Variants in DDX60L observed in about 807,000 individuals in gnomAD.
The protein encoded by DDX60L is DExD/H-box 60 like.
A neutral mutation model predicts 211.6 loss-of-function variants in DDX60L; 191 were observed. That is an observed-to-expected ratio of 0.90 (90% confidence interval 0.80 to 1.02). The LOEUF is 1.02. Ranked by LOEUF, DDX60L falls within the 50% of genes least tolerant of loss-of-function variation. DDX60L has a pLI of 0.00. For synonymous variants in DDX60L, 706 were observed against 694.1 expected (o/e 1.02, Z -0.27); for missense variants, 2,007 against 1,984.1 (o/e 1.01, Z -0.22).
In DDX60L at chr4:168,394,611, C is replaced by T. The variant is rs569571939; in HGVS notation, c.3664G>A (p.Glu1222Lys). 5.2e-5 allele frequency: 83 copies of T among 1,590,970 alleles called. No individual in the cohort carries two copies. In the South Asian group the frequency reaches 8.5e-4, roughly 16 times the overall value. The stretch of plus-strand genomic sequence containing the variant: ...AATCGCACTCGCGGTAATACCCTCT[C>T]CAAAGTCTAAAACAAGAAAGAAGTG... The part of the protein sequence containing the change: ...EITRNKDSTL[E>K]RVLPRVRFTR... Residue 1222 changes from glutamate to lysine, a missense_variant, in exon 28 of 38, where the codon GAG becomes AAG. Coordinates refer to ENST00000682922, the MANE Select transcript of DDX60L (RefSeq NM_001012967.3).
chr4:168,461,448 AATAG>A (rs1449690025), intron 5 of DDX60L, among the ~76,000 whole-genome samples: 2 of 152,214 alleles, frequency 1.3e-5, no homozygotes, highest in African/African-American at 2.4e-5. Flanking sequence ...ATTAGATATG[AATAG>A]ATAGATATAA....
rs1757048048 is a variant in DDX60L at position 168,459,749 on chromosome 4, C to G, written c.607-1741G>C. ...CCAGCCTAGGCAATATATCAAGACA[C>G]CAAAGGGAGGGAAGGAAGGAAGGAG... On this transcript the variant is annotated intron_variant, in intron 5 of 37. Transcript: ENST00000682922. Among the ~76,000 whole-genome samples the G allele has an allele frequency of 7.6e-5, 3 of 39,424 alleles. No individual in the cohort carries two copies. In the Admixed American group the frequency reaches 1.4e-3, roughly 18 times the overall value. 25.9% of individuals were successfully genotyped at this position (39,424 alleles called of 152,430 possible).
At position 168,441,376 on chromosome 4, in the gene DDX60L, T is replaced by G; in HGVS notation, c.1255A>C (p.Arg419=). The G allele has an allele frequency of 1.9e-6, 3 of 1,611,442 alleles. No homozygotes were observed. Among genetic ancestry groups the G allele is most frequent in the Non-Finnish European group, 2.5e-6 (3 of 1,178,956 alleles). The change falls in exon 10 of 38, where the codon AGA becomes CGA. Residue 419 remains arginine, a synonymous_variant. Transcript: ENST00000682922. ...TTCTCTTGTCTAAGAAAATGTCTTC[T>G]TGTTGTTCTCAGAGGAAAAGACTTT... ...VGKSFPLRTT[R]RHFLRQEKSV... is the part of the protein sequence containing the mutation.
In DDX60L at chr4:168,374,549, A is replaced by T. The variant is rs140525301; in HGVS notation, c.4634-741T>A. Among the ~76,000 whole-genome samples the T allele has an allele frequency of 1.5e-3, 224 of 152,354 alleles. 2 individuals are homozygous for T. The highest frequency in any genetic ancestry group is 0.014 in the Middle Eastern group (4 of 294). ...GAACAAATAATTGAAGCAAAGAATG[A>T]TATTTGCAACGTCTGCTAGAACTTT... On this transcript the variant is annotated intron_variant, in intron 34 of 37. Transcript: ENST00000682922.
intron 24 of DDX60L, among the ~76,000 whole-genome samples, chr4:168,405,585 G>C (rs983505850): frequency 6.6e-6 from 1 of 152,122 alleles, no homozygotes; most frequent in East Asian, 1.9e-4. Flanking sequence ...TCTTAGATTA[G>C]CCCCTGTACT....
intron 8 of DDX60L, among the ~76,000 whole-genome samples, chr4:168,450,386 C>T (rs1755640908): frequency 6.6e-6 from 1 of 151,930 alleles, no homozygotes; most frequent in African/African-American, 2.4e-5. Context: ...TGGCTTCCCC[C>T]TACCCACCAA....
intron 22 of DDX60L, among the ~76,000 whole-genome samples, chr4:168,412,238 C>T (rs1009521496): frequency 2.0e-5 from 3 of 151,932 alleles, no homozygotes; most frequent in Admixed American, 6.6e-5. Context: ...TGTCTTGCAG[C>T]TCAGATGCCA....
chr4:168,472,591 A>G, intron 2 of DDX60L, 67 bp from the exon 3 acceptor site: 1 of 1,573,878 alleles, frequency 6.4e-7, no homozygotes, highest in South Asian at 1.1e-5. Context: ...GTAATTATTA[A>G]GGAAATGAAA....
At position 168,391,513 on chromosome 4, in the gene DDX60L, A is replaced by G. The variant is rs779159356; in HGVS notation, c.3915+27T>C. 5.7e-6 allele frequency: 8 copies of G among 1,403,030 alleles called. No homozygotes were observed. In the African/African-American group the frequency reaches 1.1e-4, roughly 20 times the overall value. 86.9% of individuals were successfully genotyped at this position (1,403,030 alleles called of 1,614,324 possible). On this transcript the variant is annotated intron_variant, in intron 29 of 37. Transcript: ENST00000682922. Reference sequence around the variant, plus strand: ...ATTATTTCAAACTCAGCTTTCAGCAATGGGAGTTAAAGAGTCAGAGAGTTA... The same window carrying G: ...ATTATTTCAAACTCAGCTTTCAGCAGTGGGAGTTAAAGAGTCAGAGAGTTA...
intron 13 of DDX60L, among the ~76,000 whole-genome samples, chr4:168,429,635 T>C (rs1346610956): frequency 6.6e-6 from 1 of 152,248 alleles, no homozygotes; most frequent in Non-Finnish European, 1.5e-5. Flanking sequence ...TTGTAAGTGA[T>C]ATGATTTGGG....
At chr4:168,436,341 T>A (rs753578032) in intron 10 of DDX60L, among the ~76,000 whole-genome samples, 6 of 152,216 alleles carry the variant, frequency 3.9e-5, no homozygotes, top group Non-Finnish European at 8.8e-5. Context: ...AATACTATCC[T>A]TGGACTTACA....
chr4:168,389,032 A>G (rs1744362286), intron 29 of DDX60L, among the ~76,000 whole-genome samples: 1 of 152,316 alleles, frequency 6.6e-6, no homozygotes, highest in South Asian at 2.1e-4. Context: ...ATTGGGACCC[A>G]GGCAGCAGAC....
intron 14 of DDX60L, among the ~76,000 whole-genome samples, chr4:168,426,171 C>T (rs1280865420): frequency 2.0e-5 from 3 of 152,130 alleles, no homozygotes; most frequent in Non-Finnish European, 4.4e-5. Flanking sequence ...ATTCTGGTAA[C>T]CGTTCACTCC....
intron 9 of DDX60L, among the ~76,000 whole-genome samples, chr4:168,442,315 C>A (rs1561081632): frequency 1.3e-5 from 2 of 152,204 alleles, no homozygotes; most frequent in African/African-American, 4.8e-5. Context: ...AAACGGCGCA[C>A]CACGAGATTA....
At chr4:168,407,097 T>A (rs1197506192) in intron 22 of DDX60L, among the ~76,000 whole-genome samples, 5 of 152,156 alleles carry the variant, frequency 3.3e-5, no homozygotes, top group Non-Finnish European at 7.4e-5. Context: ...TTTTGAAATA[T>A]CCCTTTGAAA....
At position 168,471,805 on chromosome 4, in the gene DDX60L, TC is replaced by T; in HGVS notation, c.205del (p.Glu69AsnfsTer8). 2 of 1,613,686 alleles carry T rather than the reference TC, an allele frequency of 1.2e-6. No homozygotes were observed. The highest frequency in any genetic ancestry group is 1.7e-6 in the Non-Finnish European group (2 of 1,179,860). On this transcript the variant is annotated frameshift_variant, in exon 4 of 38. Transcript: ENST00000682922. LOFTEE classifies it high-confidence loss of function. Reference protein sequence around the residue: ...GQNLHFFYLVECYLVDLLSNG... With the variant: ...GQNLHFFYLVXCYLVDLLSNG... Reference sequence around the variant, plus strand: ...ACTCAGAAGATCCACAAGATAGCATTCAACCAGATAGAAAAAGTGGAGATTC... The same window carrying T: ...ACTCAGAAGATCCACAAGATAGCATTAACCAGATAGAAAAAGTGGAGATTC...
intron 8 of DDX60L, among the ~76,000 whole-genome samples, chr4:168,449,661 AAAAAG>A (rs1441418478): frequency 1.2e-5 from 1 of 82,696 alleles, no homozygotes; most frequent in African/African-American, 4.0e-5. Flanking sequence ...GCAAAAAAAA[AAAAAG>A]AAAAAAGAAA....
At chr4:168,367,305 C>T (rs894111664) in intron 36 of DDX60L, among the ~76,000 whole-genome samples, 2 of 152,156 alleles carry the variant, frequency 1.3e-5, no homozygotes, top group African/African-American at 2.4e-5. Flanking sequence ...GTCTTTTCTG[C>T]ACTGTTCTTC....
chr4:168,465,460 T>C (rs995175143), intron 4 of DDX60L, among the ~76,000 whole-genome samples: 3 of 152,184 alleles, frequency 2.0e-5, no homozygotes, highest in Admixed American at 1.3e-4. Context: ...TTTACTCTGT[T>C]GATTATTTCC....
Sources: allele counts gnomAD v4.1 joint callset (sites outside exome capture counted in the v4.1 genomes callset), GRCh38; gene constraint gnomAD v4.1.1; transcripts MANE v1.5; gene names NCBI Gene and HGNC (gene_info 2026-07-23, HGNC 2026-07-21).